GPC6: variants seen among roughly 807,000 people sequenced by gnomAD.
GPC6 encodes the protein glypican-6.
Under a neutral mutation model 55.2 loss-of-function variants are expected in GPC6, and 14 were observed. That is an observed-to-expected ratio of 0.25 (90% confidence interval 0.17 to 0.40). GPC6 has a LOEUF of 0.40. Among genes scored for constraint, GPC6 ranks in the 10% least tolerant of loss-of-function variants. GPC6 has a pLI of 1.00. For synonymous variants in GPC6, 278 were observed against 259.6 expected (o/e 1.07, Z -0.68); for missense variants, 641 against 708.5 (o/e 0.90, Z 1.08).
chr13:94,085,321 C>CAAAAAAAAAAAAAAAAAAGGGAGGAA (rs1885240740), intron 4 of GPC6, among the ~76,000 whole-genome samples: 1 of 87,050 alleles, frequency 1.1e-5, no homozygotes, highest in African/African-American at 4.3e-5. Flanking sequence ...GATTCTGTCT[C>CAAAAAAAAAAAAAAAAAAGGGAGGAA]AAAAAAAAAA....
chr13:93,371,769 T>C (rs1874665794), intron 1 of GPC6, among the ~76,000 whole-genome samples: 1 of 151,956 alleles, frequency 6.6e-6, no homozygotes, highest in African/African-American at 2.4e-5. Flanking sequence ...GCCATATAGC[T>C]CCTGAGACCT....
intron 1 of GPC6, among the ~76,000 whole-genome samples, chr13:93,505,456 C>A: frequency 6.7e-6 from 1 of 149,790 alleles, no homozygotes; most frequent in African/African-American, 2.4e-5. Flanking sequence ...CACACAGAGA[C>A]AGAGAGAGAG....
chr13:93,610,682 T>C (rs769168247), intron 2 of GPC6, among the ~76,000 whole-genome samples: 10 of 152,214 alleles, frequency 6.6e-5, no homozygotes, highest in Non-Finnish European at 1.5e-4. Flanking sequence ...ATTACACTTA[T>C]ATTTTATATA....
At position 94,404,620 on chromosome 13, in the gene GPC6, G is replaced by T. The variant is rs1200825350; in HGVS notation, c.*1403G>T. Reference sequence around the variant, plus strand: ...TCTGCATGAGTGTGCTTCAGCCTGGGTGCTCCAGACTACACCAAACTCATG... The same window carrying T: ...TCTGCATGAGTGTGCTTCAGCCTGGTTGCTCCAGACTACACCAAACTCATG... On this transcript the variant is annotated 3_prime_UTR_variant, in exon 9 of 9. Transcript: ENST00000377047. 6.6e-6 allele frequency: 1 copy of T among 152,180 alleles called. No homozygotes were observed. Among genetic ancestry groups the T allele is most frequent in the East Asian group, 1.9e-4 (1 of 5,198 alleles). The allele number at this position is 152,180 out of a possible 1,614,324, so 9.4% of individuals were successfully genotyped here. A position where few individuals can be genotyped will look rare whatever the true frequency, so the allele number is the denominator to read the frequency against.
intron 2 of GPC6, among the ~76,000 whole-genome samples, chr13:93,655,604 G>C (rs748542637): frequency 6.6e-6 from 1 of 152,014 alleles, no homozygotes; most frequent in Non-Finnish European, 1.5e-5. Flanking sequence ...AATTATGCAT[G>C]GGGGAAAGAA....
At chr13:93,228,830 A>T (rs890381660) in intron 1 of GPC6, among the ~76,000 whole-genome samples, 1 of 152,178 alleles carries the variant, frequency 6.6e-6, no homozygotes, top group African/African-American at 2.4e-5. Flanking sequence ...CATTTTGCAG[A>T]TATCTTAGAA....
At chr13:93,545,081 C>T (rs1874708475) in intron 1 of GPC6, among the ~76,000 whole-genome samples, 182 bp from the exon 2 acceptor site, 1 of 152,132 alleles carries the variant, frequency 6.6e-6, no homozygotes, top group Non-Finnish European at 1.5e-5. Context: ...CAACTTAAGT[C>T]AACATGTTTG....
At chr13:94,266,448 G>A (rs9524390) in intron 4 of GPC6, among the ~76,000 whole-genome samples, 60,573 of 151,952 alleles carry the variant, frequency 0.4, 12,131 homozygotes, top group East Asian at 0.52. Context: ...GATTACAGGC[G>A]TGAGCCACCG....
At chr13:93,914,838 G>A (rs1259248171) in intron 3 of GPC6, among the ~76,000 whole-genome samples, 3 of 152,228 alleles carry the variant, frequency 2.0e-5, no homozygotes, top group Admixed American at 6.5e-5. Flanking sequence ...CTGTAACTCA[G>A]TAGAGAAAGT....
chr13:93,396,814 C>T (rs997523334), intron 1 of GPC6, among the ~76,000 whole-genome samples: 3 of 152,044 alleles, frequency 2.0e-5, no homozygotes, highest in African/African-American at 7.2e-5. Context: ...AGTGCCTGAT[C>T]ACATCATATG....
chr13:93,745,246 T>C (rs1051111814), intron 2 of GPC6, among the ~76,000 whole-genome samples: 1 of 152,148 alleles, frequency 6.6e-6, no homozygotes, highest in Non-Finnish European at 1.5e-5. Flanking sequence ...AATCTCACTA[T>C]TCTTCTTCCT....
chr13:93,919,931 C>T (rs1254039695), intron 3 of GPC6, among the ~76,000 whole-genome samples: 2 of 152,208 alleles, frequency 1.3e-5, no homozygotes, highest in African/African-American at 4.8e-5. Flanking sequence ...TAGACACGCA[C>T]TCACTCCACA....
intron 4 of GPC6, among the ~76,000 whole-genome samples, chr13:94,178,911 C>CTT (rs1338040671): frequency 6.6e-6 from 1 of 152,232 alleles, no homozygotes; most frequent in East Asian, 1.9e-4. Flanking sequence ...GCACCCAGTA[C>CTT]ATCAGCTAAG....
chr13:93,710,980 T>G (rs542811292), intron 2 of GPC6, among the ~76,000 whole-genome samples: 168 of 151,986 alleles, frequency 1.1e-3, no homozygotes, highest in African/African-American at 3.8e-3. Context: ...TTTCTGTTCA[T>G]AACTTGTTCA....
At chr13:93,978,920 C>T (rs1880646798) in intron 3 of GPC6, among the ~76,000 whole-genome samples, 1 of 152,038 alleles carries the variant, frequency 6.6e-6, no homozygotes, top group African/African-American at 2.4e-5. Context: ...ATACAGTGCC[C>T]TATGAATAAT....
chr13:94,241,016 A>T (rs892994513), intron 4 of GPC6, among the ~76,000 whole-genome samples: 2 of 152,194 alleles, frequency 1.3e-5, no homozygotes, highest in African/African-American at 4.8e-5. Context: ...AATTCATACT[A>T]ATCCCCCATG....
chr13:93,312,627 C>G (rs9524010), intron 1 of GPC6, among the ~76,000 whole-genome samples: 2 of 151,844 alleles, frequency 1.3e-5, no homozygotes, highest in Non-Finnish European at 2.9e-5. Context: ...GAAAACTTAG[C>G]TTAAGTTCTC....
chr13:94,320,140 C>T (rs1252025805), intron 6 of GPC6, among the ~76,000 whole-genome samples: 1 of 152,126 alleles, frequency 6.6e-6, no homozygotes, highest in Non-Finnish European at 1.5e-5. Context: ...GTTTATTAAA[C>T]AGCTAATTAA....
intron 2 of GPC6, among the ~76,000 whole-genome samples, chr13:93,554,568 A>G (rs1174952695): frequency 6.6e-6 from 1 of 152,262 alleles, no homozygotes; most frequent in Non-Finnish European, 1.5e-5. Flanking sequence ...TTCAAATGAC[A>G]GTGTAAAGTG....
Sources: allele counts gnomAD v4.1 joint callset (sites outside exome capture counted in the v4.1 genomes callset), GRCh38; gene constraint gnomAD v4.1.1; transcripts MANE v1.5; gene names NCBI Gene and HGNC (gene_info 2026-07-23, HGNC 2026-07-21).